The following GNB4 variants were observed in gnomAD, a reference collection of about 807,000 sequenced individuals.
GNB4 encodes the protein guanine nucleotide-binding protein subunit beta-4.
GNB4 carries 28 observed loss-of-function variants against 45.2 expected under a neutral mutation model. The observed-to-expected ratio is 0.62, with a 90% CI of 0.46 to 0.85. GNB4 has a LOEUF of 0.85. Among genes scored for constraint, GNB4 ranks in the 40% least tolerant of loss-of-function variants. The pLI is 0.00. For missense variants in GNB4, 321 were observed against 425.4 expected (o/e 0.75, Z 2.16); for synonymous variants, 132 against 143.7 (o/e 0.92, Z 0.58).
chr3:179,425,327 C>A (rs902612543), intron 2 of GNB4, among the ~76,000 whole-genome samples: 2 of 152,200 alleles, frequency 1.3e-5, no homozygotes, highest in Admixed American at 6.5e-5. Flanking sequence ...CATTTGGCAA[C>A]TCCTCTCCAT....
the GNB4 span, among the ~76,000 whole-genome samples, chr3:179,495,213 C>T: frequency 6.6e-6 from 1 of 152,018 alleles, no homozygotes; most frequent in Admixed American, 6.6e-5. Context: ...GATAGCGAGA[C>T]TCTGTCTCAA....
intron 1 of GNB4, chr3:179,438,038 C>T (rs1715504512): frequency 6.6e-6 from 1 of 152,044 alleles, no homozygotes; most frequent in South Asian, 2.1e-4. Context: ...TGCCACTGCA[C>T]TCTAGCCTGG....
chr3:179,488,523 T>C, the GNB4 span, among the ~76,000 whole-genome samples: 1 of 152,188 alleles, frequency 6.6e-6, no homozygotes, highest in Admixed American at 6.5e-5. Context: ...TAGGTTGTGA[T>C]CCCCTTCTTA....
At chr3:179,415,772 T>A (rs1234393087) in intron 5 of GNB4, among the ~76,000 whole-genome samples, 1 of 152,140 alleles carries the variant, frequency 6.6e-6, no homozygotes, top group Non-Finnish European at 1.5e-5. Flanking sequence ...GAAAATATAG[T>A]TGAAAGATAA....
At chr3:179,505,603 T>G in the GNB4 span, among the ~76,000 whole-genome samples, 1 of 152,258 alleles carries the variant, frequency 6.6e-6, no homozygotes, top group Non-Finnish European at 1.5e-5. Context: ...ATTCCTGCTC[T>G]CAATGAGTCG....
the GNB4 span, among the ~76,000 whole-genome samples, chr3:179,514,194 G>A: frequency 6.6e-6 from 1 of 152,208 alleles, no homozygotes; most frequent in Non-Finnish European, 1.5e-5. Context: ...CATCAGGGCG[G>A]ACTAGGACAG....
At chr3:179,436,338 C>T (rs1429038007) in intron 1 of GNB4, among the ~76,000 whole-genome samples, 3 of 151,964 alleles carry the variant, frequency 2.0e-5, no homozygotes, top group Admixed American at 2.0e-4. Flanking sequence ...TGCGGTGAGC[C>T]GAGATCATGC....
chr3:179,500,458 C>G, the GNB4 span, among the ~76,000 whole-genome samples: 1 of 152,138 alleles, frequency 6.6e-6, no homozygotes, highest in Non-Finnish European at 1.5e-5. Flanking sequence ...GTTTTGGTAC[C>G]AGTACCATGC....
the GNB4 span, among the ~76,000 whole-genome samples, chr3:179,468,035 A>AAAAAAAAAAAAAAAATAT: frequency 4.5e-5 from 4 of 89,856 alleles, no homozygotes; most frequent in African/African-American, 1.2e-4. Context: ...TGTTGATAAA[A>AAAAAAAAAAAAAAAATAT]ATATATATAT....
chr3:179,473,679 T>C, the GNB4 span, among the ~76,000 whole-genome samples: 7 of 152,328 alleles, frequency 4.6e-5, no homozygotes, highest in African/African-American at 1.7e-4. Context: ...CAGACCGTTC[T>C]GTTTCTCTAT....
At chr3:179,431,906 C>G (rs1274228800) in intron 1 of GNB4, among the ~76,000 whole-genome samples, 1 of 152,184 alleles carries the variant, frequency 6.6e-6, no homozygotes. Flanking sequence ...TGTGGAGAAC[C>G]TTTCAGTTTC....
At chr3:179,479,950 A>G in the GNB4 span, among the ~76,000 whole-genome samples, 1 of 152,226 alleles carries the variant, frequency 6.6e-6, no homozygotes, top group African/African-American at 2.4e-5. Context: ...CCCTCTGCCC[A>G]CGTGAATGGA....
chr3:179,485,009 T>G, the GNB4 span, among the ~76,000 whole-genome samples: 1 of 63,796 alleles, frequency 1.6e-5, no homozygotes, highest in Admixed American at 1.6e-4. Flanking sequence ...CGTTTTGTTT[T>G]TTTTTTTTTT....
At chr3:179,498,748 G>GTTTTTTT in the GNB4 span, among the ~76,000 whole-genome samples, 6 of 117,570 alleles carry the variant, frequency 5.1e-5, no homozygotes, top group Admixed American at 1.7e-4. Context: ...GTTGAGGTTT[G>GTTTTTTT]GTTTTTTTTT....
At chr3:179,482,554 T>C in the GNB4 span, among the ~76,000 whole-genome samples, 1 of 152,220 alleles carries the variant, frequency 6.6e-6, no homozygotes, top group East Asian at 1.9e-4. Flanking sequence ...TCCTTCCATC[T>C]CATAACTCCC....
At chr3:179,509,082 T>C in the GNB4 span, among the ~76,000 whole-genome samples, 1 of 151,370 alleles carries the variant, frequency 6.6e-6, no homozygotes, top group Non-Finnish European at 1.5e-5. Context: ...ACAGCACAGC[T>C]TGTGGCCTTT....
the GNB4 span, among the ~76,000 whole-genome samples, chr3:179,490,659 G>A: frequency 1.3e-5 from 2 of 152,196 alleles, no homozygotes; most frequent in Non-Finnish European, 2.9e-5. Context: ...GAAAAAGAGT[G>A]TATCCCGGTT....
At chr3:179,484,828 C>CTA in the GNB4 span, among the ~76,000 whole-genome samples, 1 of 101,118 alleles carries the variant, frequency 9.9e-6, no homozygotes, top group African/African-American at 4.0e-5. Flanking sequence ...ATATATATAG[C>CTA]TATATATATG....
chr3:179,401,060 T>TG lies in GNB4; in HGVS notation c.*152_*153insC, dbSNP rs1304192124. The TG allele has an allele frequency of 1.9e-6, 1 of 518,928 alleles. No individual in the cohort carries two copies. The highest frequency in any genetic ancestry group is 3.4e-6 in the Non-Finnish European group (1 of 298,484). 32.1% of individuals were successfully genotyped at this position (518,928 alleles called of 1,614,324 possible). On this transcript the variant is annotated 3_prime_UTR_variant, in exon 10 of 10. Coordinates refer to ENST00000232564, the MANE Select transcript of GNB4 (RefSeq NM_021629.4). ...TTGCCTTTTTTCCTCCACCCCCACT[T>TG]TTTTTTTGGTAGTTTACTGAAAGCT...
Sources: gnomAD v4.1 joint callset for allele counts (sites outside exome capture counted in the v4.1 genomes callset) on GRCh38, gnomAD v4.1.1 for gene constraint, MANE v1.5 for transcripts, NCBI Gene and HGNC (gene_info 2026-07-23, HGNC 2026-07-21) for gene names.